AXIN1: variants seen among roughly 807,000 people sequenced by gnomAD.
The protein encoded by AXIN1 is axin 1.
Under a neutral mutation model 76.4 loss-of-function variants are expected in AXIN1, and 30 were observed. The observed-to-expected ratio is 0.39, with a 90% CI of 0.29 to 0.53. The LOEUF (loss-of-function observed/expected upper bound fraction) is 0.53, where lower values mean the gene tolerates loss of function less well. Ranked by LOEUF, AXIN1 falls within the 20% of genes least tolerant of loss-of-function variation. AXIN1 has a pLI of 0.66. For missense variants in AXIN1, 1,140 were observed against 1,198.8 expected (o/e 0.95, Z 0.72); for synonymous variants, 545 against 501.4 (o/e 1.09, Z -1.16).
In AXIN1 at chr16:288,224, G is replaced by A. The variant is rs1365468380; in HGVS notation, c.2487C>T (p.Asp829=). 13 of 1,613,554 alleles carry A rather than the reference G, an allele frequency of 8.1e-6. No individual in the cohort carries two copies. Among genetic ancestry groups the A allele is most frequent in the African/African-American group, 5.3e-5 (4 of 74,932 alleles). The change falls in exon 11 of 11, where the codon GAC becomes GAT. Residue 829 remains aspartate (D), a synonymous_variant. Transcript: ENST00000262320. The part of the protein sequence containing the change: ...SYRYYFKKVS[D]EFDCGVVFEE... The stretch of plus-strand genomic sequence containing the variant: ...CAAACACCACCCCACAGTCAAACTC[G>A]TCGCTCACTTTCTTGAAGTAGTATC...
chr16:324,981 T>G (rs1416150297), intron 2 of AXIN1, among the ~76,000 whole-genome samples: 1 of 152,186 alleles, frequency 6.6e-6, no homozygotes, highest in African/African-American at 2.4e-5. Flanking sequence ...TCAGCTCTAC[T>G]GACGCACGGC....
intron 7 of AXIN1, among the ~76,000 whole-genome samples, chr16:296,757 T>C (rs1483622899): frequency 6.6e-6 from 1 of 152,160 alleles, no homozygotes; most frequent in Non-Finnish European, 1.5e-5. Context: ...GGGGTCAGAC[T>C]GGAAATGACC....
intron 2 of AXIN1, among the ~76,000 whole-genome samples, chr16:323,235 C>A (rs1274708413): frequency 6.6e-6 from 1 of 151,698 alleles, no homozygotes; most frequent in African/African-American, 2.4e-5. Flanking sequence ...GTCAGGAGAT[C>A]GAGACCCTCC....
chr16:291,204 C>T lies in AXIN1; in HGVS notation c.2280G>A (p.Glu760=), dbSNP rs2052549088. 1.3e-6 allele frequency: 2 copies of T among 1,587,310 alleles called. No homozygotes were observed. The highest frequency in any genetic ancestry group is 1.8e-5 in the Admixed American group (1 of 55,308). The stretch of plus-strand genomic sequence containing the variant: ...GACGCACGTACTCTGTCTCGGAGAG[C>T]TCCATGTCCGACACGGCTGGTACCA... ...LHVVPAVSDM[E]LSETETRSQR... is the part of the protein sequence containing the mutation. The change falls in exon 9 of 11, where the codon GAG becomes GAA. Residue 760 remains glutamate, a synonymous_variant. Coordinates refer to ENST00000262320, the MANE Select transcript of AXIN1 (RefSeq NM_003502.4).
intron 5 of AXIN1, chr16:299,305 T>C: frequency 2.2e-6 from 2 of 899,952 alleles, no homozygotes; most frequent in Non-Finnish European, 2.7e-6. Context: ...TGAGTAAATC[T>C]GGTGTCAATA....
At chr16:339,416 CAGG>C (rs71139775) in intron 2 of AXIN1, among the ~76,000 whole-genome samples, 29,655 of 148,524 alleles carry the variant, frequency 0.2, 3,155 homozygotes, top group South Asian at 0.27. Flanking sequence ...GAGGCTGAGG[CAGG>C]AGAAGTGCTT....
At position 297,721 on chromosome 16, in the gene AXIN1, C is replaced by T. The variant is rs2052752802; in HGVS notation, c.1784+1G>A. ...CTCCTCACTGACAGGCGCACGCTCA[C>T]CTGTGGGCGAGGCCATCACTGGCGT... On this transcript the variant is annotated splice_donor_variant, in intron 6 of 10. Coordinates refer to ENST00000262320, the MANE Select transcript of AXIN1 (RefSeq NM_003502.4). LOFTEE classifies it high-confidence loss of function. 1 of 1,596,922 alleles carries T rather than the reference C, an allele frequency of 6.3e-7. No individual in the cohort carries two copies. Among genetic ancestry groups the T allele is most frequent in the African/African-American group, 1.3e-5 (1 of 74,764 alleles).
rs190835682 is a variant in AXIN1, at chr16:310,427, C to T, written c.1020-358G>A. ...TCTTCTTTTTTTTGAGATGGAGTCT[C>T]GCTCTGTCGCCCAGGCTGGAGTGCA... On this transcript the variant is annotated intron_variant, in intron 3 of 10. Transcript: ENST00000262320. 4.0e-3 allele frequency among the ~76,000 whole-genome samples: 605 copies of T among 152,116 alleles called. 4 individuals are homozygous for T. The highest frequency in any genetic ancestry group is 0.013 in the African/African-American group (548 of 41,488).
In AXIN1 at chr16:314,653, G is replaced by A. The variant is rs760222902; in HGVS notation, c.909C>T (p.Pro303=). The A allele has an allele frequency of 1.2e-6, 2 of 1,613,944 alleles. No individual in the cohort carries two copies. Among genetic ancestry groups the A allele is most frequent in the Non-Finnish European group, 1.7e-6 (2 of 1,180,034 alleles). Residue 303 remains proline (P), a synonymous_variant, in exon 3 of 11, where the codon CCC becomes CCT. Coordinates refer to ENST00000262320, the MANE Select transcript of AXIN1 (RefSeq NM_003502.4). ...RYGSWREPVN[P]YYVNAGYALA... ...GGGCATAGCCGGCATTGACATAATA[G>A]GGGTTGACTGGCTCCCGCCAGGATC... is the stretch of plus-strand genomic sequence containing the variant.
At chr16:288,727 T>G (rs2052463493) in intron 10 of AXIN1, among the ~76,000 whole-genome samples, 1 of 152,198 alleles carries the variant, frequency 6.6e-6, no homozygotes, top group Non-Finnish European at 1.5e-5. Flanking sequence ...CAGTGCTCAC[T>G]CGGGAGCCTC....
In AXIN1 at chr16:346,644, C is replaced by T. The variant is rs2141705439; in HGVS notation, c.382G>A (p.Glu128Lys). The T allele has an allele frequency of 6.3e-7, 1 of 1,579,382 alleles. No homozygotes were observed. Reference sequence around the variant, plus strand: ...TTCTCCTCGTTCGAGTCACAGGGCTCCAGCTTCCTGAAGCCAGTGCAGGCA... The same window carrying T: ...TTCTCCTCGTTCGAGTCACAGGGCTTCAGCTTCCTGAAGCCAGTGCAGGCA... ...WFACTGFRKLEPCDSNEEKRL... is the reference protein window; with the variant it reads ...WFACTGFRKLKPCDSNEEKRL... The change falls in exon 2 of 11, where the codon GAG (glutamate) becomes AAG (lysine). Residue 128 changes from glutamate to lysine, a missense_variant. This residue lies in a region of AXIN1 where 708 missense variants were observed against 776.9 expected (regional missense o/e 0.91). Transcript: ENST00000262320.
chr16:305,125 C>T (rs564046877), intron 4 of AXIN1, among the ~76,000 whole-genome samples: 5 of 152,310 alleles, frequency 3.3e-5, no homozygotes, highest in African/African-American at 1.2e-4. Context: ...GGAAGGACGC[C>T]CAGGATTTGG....
At chr16:341,628 G>A (rs1412628429) in intron 2 of AXIN1, among the ~76,000 whole-genome samples, 3 of 152,240 alleles carry the variant, frequency 2.0e-5, no homozygotes, top group African/African-American at 4.8e-5. Context: ...GAGGAGTGCG[G>A]GCGCACGGCA....
chr16:349,659 G>A (rs891660716), intron 1 of AXIN1, among the ~76,000 whole-genome samples: 9 of 152,156 alleles, frequency 5.9e-5, no homozygotes, highest in East Asian at 1.9e-4. Context: ...TGCAACTAAC[G>A]GGCACCAGTA....
In AXIN1 at chr16:346,265, T is replaced by C. The variant is rs2141701243; in HGVS notation, c.761A>G (p.Asp254Gly). 1 of 1,614,142 alleles carries C rather than the reference T, an allele frequency of 6.2e-7. No homozygotes were observed. The highest frequency in any genetic ancestry group is 8.5e-7 in the Non-Finnish European group (1 of 1,180,006). The change falls in exon 2 of 11, where the codon GAT (aspartate) becomes GGT (glycine). Residue 254 changes from aspartate (D) to glycine (G), a missense_variant. Around this residue, in one of 3 missense-constraint regions of AXIN1, gnomAD observed 708 missense variants for 776.9 expected, o/e 0.91. Transcript: ENST00000262320. ...AGCAGCGTCTCTGCCATCGTCCTCA[T>C]CCATGTCCTGGTCACACTTCCATTC... ...DEEWKCDQDM[D>G]EDDGRDAAPP... is the part of the protein sequence containing the mutation.
intron 5 of AXIN1, among the ~76,000 whole-genome samples, chr16:301,746 C>G (rs2052879278): frequency 6.6e-6 from 1 of 152,190 alleles, no homozygotes; most frequent in Non-Finnish European, 1.5e-5. Context: ...AACATGACAG[C>G]AAAGCGTTCC....
chr16:319,853 C>T (rs1469506310), intron 2 of AXIN1, among the ~76,000 whole-genome samples: 1 of 152,206 alleles, frequency 6.6e-6, no homozygotes, highest in Non-Finnish European at 1.5e-5. Flanking sequence ...GGTCCGGTTA[C>T]ATTTAGTGTG....
chr16:322,555 C>T (rs772331658), intron 2 of AXIN1, among the ~76,000 whole-genome samples: 1 of 152,196 alleles, frequency 6.6e-6, no homozygotes, highest in African/African-American at 2.4e-5. Flanking sequence ...GCTGCACATC[C>T]TCCTCTCCAA....
At chr16:311,113 A>ATC (rs2053165255) in intron 3 of AXIN1, among the ~76,000 whole-genome samples, 1 of 418 alleles carries the variant, frequency 2.4e-3, no homozygotes, top group Non-Finnish European at 4.6e-3. Context: ...GATCACTGCA[A>ATC]GCCGCTCCCG....
Sources: gnomAD v4.1 joint callset for allele counts (sites outside exome capture counted in the v4.1 genomes callset) on GRCh38, gnomAD v4.1.1 for gene constraint, gnomAD v4.1.1 regional missense constraint, MANE v1.5 for transcripts, NCBI Gene and HGNC (gene_info 2026-07-23, HGNC 2026-07-21) for gene names.